Variants in TMEM131 observed in about 807,000 individuals in gnomAD.
TMEM131 encodes the protein transmembrane protein 131.
TMEM131 carries 66 observed loss-of-function variants against 211.6 expected under a neutral mutation model. That is an observed-to-expected ratio of 0.31 (90% confidence interval 0.26 to 0.38). The LOEUF (loss-of-function observed/expected upper bound fraction) is 0.38. TMEM131 is among the 10% of genes least tolerant of loss of function. The probability of loss-of-function intolerance (pLI) is 1.00; values close to 1 mark genes in which losing one functional copy is unlikely to be tolerated. For missense variants in TMEM131, 2,036 were observed against 2,299.3 expected (o/e 0.89, Z 2.34); for synonymous variants, 844 against 841.3 (o/e 1.00, Z -0.06).
At chr2:97,923,174 G>A (rs1188463903) in intron 2 of TMEM131, among the ~76,000 whole-genome samples, 1 of 152,102 alleles carries the variant, frequency 6.6e-6, no homozygotes, top group Admixed American at 6.5e-5. Context: ...CTGTAATCCT[G>A]GTGGCTGAGG....
At chr2:97,758,794 G>GTTGT (rs1458415301) in intron 40 of TMEM131, 99 bp downstream of exon 40, 1 of 1,459,086 alleles carries the variant, frequency 6.9e-7, no homozygotes, top group African/African-American at 1.4e-5. Flanking sequence ...GCTGCTGTTT[G>GTTGT]TTGTTTATAA....
rs779152929 is a variant in TMEM131, at chr2:97,805,205, G to C, written c.2285C>G (p.Ser762Cys). The change falls in exon 22 of 41, where the codon TCT becomes TGT. Residue 762 changes from serine (S) to cysteine (C), a missense_variant and splice_region_variant. Coordinates refer to ENST00000186436, the MANE Select transcript of TMEM131 (RefSeq NM_015348.2). ...CYVGLPFLSK[S>C]EPKVQPGVAM... ...TACACCAGGCTGCACTTTGGGTTCA[G>C]CTAAAACAAGGAAACATACTTAACC... 14 of 1,610,458 alleles carry C rather than the reference G, an allele frequency of 8.7e-6. No homozygotes were observed. The highest frequency in any genetic ancestry group is 1.1e-5 in the Non-Finnish European group (13 of 1,178,554).
At chr2:97,918,770 C>T (rs1441493865) in intron 2 of TMEM131, among the ~76,000 whole-genome samples, 1 of 152,148 alleles carries the variant, frequency 6.6e-6, no homozygotes, top group African/African-American at 2.4e-5. Context: ...GAACACAGAC[C>T]AACCAAGTCT....
At chr2:97,994,610 A>T (rs1175019534) in intron 1 of TMEM131, among the ~76,000 whole-genome samples, 3 of 151,656 alleles carry the variant, frequency 2.0e-5, no homozygotes, top group African/African-American at 4.9e-5. Flanking sequence ...TTTTTTTTTT[A>T]AACTATTCAC....
chr2:97,991,574 CAG>C (rs1680267675), intron 1 of TMEM131, among the ~76,000 whole-genome samples: 1 of 152,172 alleles, frequency 6.6e-6, no homozygotes, highest in South Asian at 2.1e-4. Flanking sequence ...TAGACACACA[CAG>C]GGAGGAAGAC....
intron 3 of TMEM131, among the ~76,000 whole-genome samples, chr2:97,902,648 G>A (rs1675903843): frequency 6.6e-6 from 1 of 152,210 alleles, no homozygotes; most frequent in African/African-American, 2.4e-5. Context: ...AATACTGAGT[G>A]TTAACTTGAT....
At chr2:97,976,090 T>C (rs961283200) in intron 1 of TMEM131, among the ~76,000 whole-genome samples, 1 of 152,164 alleles carries the variant, frequency 6.6e-6, no homozygotes, top group Non-Finnish European at 1.5e-5. Context: ...AACCTATGGC[T>C]AACAGCATAC....
chr2:97,934,764 CT>C (rs1329526175), intron 1 of TMEM131, among the ~76,000 whole-genome samples: 1 of 152,130 alleles, frequency 6.6e-6, no homozygotes, highest in Non-Finnish European at 1.5e-5. Context: ...GGAAGAACAG[CT>C]TTTCCAACAA....
chr2:97,990,831 G>A (rs1246925764), intron 1 of TMEM131, among the ~76,000 whole-genome samples: 2 of 152,098 alleles, frequency 1.3e-5, no homozygotes, highest in African/African-American at 4.8e-5. Flanking sequence ...TTTGTACTGT[G>A]TTTTGCACCT....
chr2:97,883,796 T>A (rs1675030881), intron 4 of TMEM131, among the ~76,000 whole-genome samples: 1 of 152,190 alleles, frequency 6.6e-6, no homozygotes, highest in South Asian at 2.1e-4. Flanking sequence ...TCAATGGAAT[T>A]TTTTGAAGTA....
At chr2:97,878,627 C>T (rs1358721155) in intron 4 of TMEM131, among the ~76,000 whole-genome samples, 1 of 152,052 alleles carries the variant, frequency 6.6e-6, no homozygotes, top group Non-Finnish European at 1.5e-5. Flanking sequence ...TGTTCTTACT[C>T]GTAAGTGGGA....
At chr2:97,851,500 T>C (rs1449382631) in intron 5 of TMEM131, among the ~76,000 whole-genome samples, 2 of 152,256 alleles carry the variant, frequency 1.3e-5, no homozygotes, top group Non-Finnish European at 2.9e-5. Context: ...ACTTCGCAGG[T>C]ACTGCAGTTT....
At chr2:97,884,344 CG>C (rs1675054372) in intron 4 of TMEM131, among the ~76,000 whole-genome samples, 6 of 152,150 alleles carry the variant, frequency 3.9e-5, no homozygotes, top group Admixed American at 1.3e-4. Flanking sequence ...TCCTAACATA[CG>C]ATCAATCCTG....
chr2:97,928,552 A>C (rs900856588), intron 1 of TMEM131, among the ~76,000 whole-genome samples: 1 of 151,882 alleles, frequency 6.6e-6, no homozygotes, highest in African/African-American at 2.4e-5. Flanking sequence ...ACTGTATTAC[A>C]AATGAATGAA....
chr2:97,928,526 A>G (rs1462750203), intron 1 of TMEM131, among the ~76,000 whole-genome samples: 1 of 151,828 alleles, frequency 6.6e-6, no homozygotes, highest in Non-Finnish European at 1.5e-5. Context: ...AATGCATAAA[A>G]TGACAAAACA....
At chr2:97,993,913 C>A (rs1680371193) in intron 1 of TMEM131, among the ~76,000 whole-genome samples, 1 of 152,146 alleles carries the variant, frequency 6.6e-6, no homozygotes, top group Non-Finnish European at 1.5e-5. Context: ...AAGGAAAATA[C>A]AAACTTAATG....
intron 3 of TMEM131, among the ~76,000 whole-genome samples, chr2:97,905,393 T>C (rs978580280): frequency 6.6e-6 from 1 of 152,184 alleles, no homozygotes; most frequent in Non-Finnish European, 1.5e-5. Flanking sequence ...TTTCGACAAC[T>C]TGAATATTAT....
intron 31 of TMEM131, among the ~76,000 whole-genome samples, chr2:97,791,720 C>A (rs1263875781): frequency 2.0e-5 from 3 of 152,160 alleles, no homozygotes; most frequent in African/African-American, 7.2e-5. Flanking sequence ...TAAGAGTATA[C>A]GTTCTTTTAA....
Position 97,846,946 on chromosome 2 carries a change from C to T in TMEM131, c.484-2685G>A, listed in dbSNP as rs573389974. Among the ~76,000 whole-genome samples the T allele has an allele frequency of 2.6e-5, 4 of 152,088 alleles. No homozygotes were observed. The South Asian group carries it at 6.2e-4, about 24-fold the overall frequency. On this transcript the variant is annotated intron_variant, in intron 5 of 40. Coordinates refer to ENST00000186436, the MANE Select transcript of TMEM131 (RefSeq NM_015348.2). Reference sequence around the variant, plus strand: ...CTGTAATCCCAGCAATTTGGGAGGCCGAGGTGGGCGGATCACAAGGTCAAC... The same window carrying T: ...CTGTAATCCCAGCAATTTGGGAGGCTGAGGTGGGCGGATCACAAGGTCAAC...
Sources: gnomAD v4.1 joint callset for allele counts (sites outside exome capture counted in the v4.1 genomes callset) on GRCh38, gnomAD v4.1.1 for gene constraint, MANE v1.5 for transcripts, NCBI Gene and HGNC (gene_info 2026-07-23, HGNC 2026-07-21) for gene names.